The following EXT2 variants were observed in gnomAD, a reference collection of about 807,000 sequenced individuals.
EXT2 encodes the protein exostosin-2.
EXT2 carries 53 observed loss-of-function variants against 81.6 expected under a neutral mutation model. The ratio of observed to expected loss-of-function variants is 0.65; its 90% CI spans 0.52 to 0.82. The LOEUF is 0.82. EXT2 is among the 40% of genes least tolerant of loss of function. The pLI, the probability that EXT2 is intolerant of heterozygous loss-of-function variation, is 0.00. For synonymous variants in EXT2, 320 were observed against 340.0 expected (o/e 0.94, Z 0.65); for missense variants, 774 against 910.2 (o/e 0.85, Z 1.93).
chr11:44,120,906 G>T (rs1306782610), intron 4 of EXT2, among the ~76,000 whole-genome samples: 2 of 152,188 alleles, frequency 1.3e-5, no homozygotes, highest in Non-Finnish European at 2.9e-5. Flanking sequence ...TTAGATATCA[G>T]CACTGCTGGG....
chr11:44,215,930 G>A (rs190663809), intron 10 of EXT2, among the ~76,000 whole-genome samples: 5 of 146,586 alleles, frequency 3.4e-5, no homozygotes, highest in Admixed American at 2.1e-4. Flanking sequence ...ACTGCGGACT[G>A]CAGTGGCGCA....
At chr11:44,095,934 A>C in intron 1 of EXT2, 82 bp downstream of exon 1, 2 of 375,510 alleles carry the variant, frequency 5.3e-6, no homozygotes, top group Admixed American at 4.3e-5. Flanking sequence ...CTGGGTCGGG[A>C]CAAGGGCCGA....
Position 44,250,856 on chromosome 11 carries a change from A to G in EXT2, c.*6569A>G, listed in dbSNP as rs1404054655. 6.6e-6 allele frequency among the ~76,000 whole-genome samples: 1 copy of G among 152,212 alleles called. No homozygotes were observed. The highest frequency in any genetic ancestry group is 6.5e-5 in the Admixed American group (1 of 15,282). On this transcript the variant is annotated 3_prime_UTR_variant, in exon 14 of 14. Coordinates refer to ENST00000533608, the MANE Select transcript of EXT2 (RefSeq NM_207122.2). The stretch of plus-strand genomic sequence containing the variant: ...GATTTTCAGGTTTCAACTTTCTGCC[A>G]GCGTCACTGCCTGCTTAGAAGTAAA...
chr11:44,119,885 G>A (rs920568602), intron 4 of EXT2, among the ~76,000 whole-genome samples: 2 of 152,190 alleles, frequency 1.3e-5, no homozygotes, highest in Non-Finnish European at 2.9e-5. Flanking sequence ...TGGTCTGCTA[G>A]GACTGCTCAG....
At chr11:44,102,246 G>A (rs1482877734) in intron 1 of EXT2, among the ~76,000 whole-genome samples, 8 of 152,186 alleles carry the variant, frequency 5.3e-5, no homozygotes, top group Admixed American at 2.6e-4. Context: ...TATAGGGTTC[G>A]GGCTGATAAC....
At chr11:44,211,927 A>G (rs994609357) in intron 10 of EXT2, among the ~76,000 whole-genome samples, 11 of 152,334 alleles carry the variant, frequency 7.2e-5, no homozygotes, top group African/African-American at 2.2e-4. Flanking sequence ...AAGCTGAAAG[A>G]GAATAGGATT....
intron 13 of EXT2, among the ~76,000 whole-genome samples, chr11:44,242,696 A>C (rs141640333): frequency 1.4e-4 from 21 of 152,324 alleles, no homozygotes; most frequent in African/African-American, 4.8e-4. Flanking sequence ...ATATGTATGT[A>C]AATTATCTGT....
intron 1 of EXT2, among the ~76,000 whole-genome samples, chr11:44,105,109 C>T (rs1954036446): frequency 6.6e-6 from 1 of 152,112 alleles, no homozygotes; most frequent in Admixed American, 6.5e-5. Context: ...CTTGGCAATA[C>T]TCAGCTCGCT....
chr11:44,120,856 T>C (rs1445638726), intron 4 of EXT2, among the ~76,000 whole-genome samples: 1 of 152,214 alleles, frequency 6.6e-6, no homozygotes, highest in Non-Finnish European at 1.5e-5. Flanking sequence ...CTGTTACTAT[T>C]GAGGGAGACT....
In EXT2 at chr11:44,244,412, G is replaced by A; in HGVS notation, c.*125G>A. The A allele has an allele frequency of 2.0e-6, 2 of 1,004,274 alleles. No individual in the cohort carries two copies. Among genetic ancestry groups the A allele is most frequent in the Non-Finnish European group, 1.5e-6 (1 of 647,616 alleles). The allele number at this position is 1,004,274 out of a possible 1,614,324, so 62.2% of individuals were successfully genotyped here. On this transcript the variant is annotated 3_prime_UTR_variant, in exon 14 of 14. Transcript: ENST00000533608. ...GGTTGACCTACTTGGATCTTGGCATGCACCCACCTAACCCACTTTCTCAAG... is the reference window on the plus strand; with the variant it reads ...GGTTGACCTACTTGGATCTTGGCATACACCCACCTAACCCACTTTCTCAAG...
intron 7 of EXT2, among the ~76,000 whole-genome samples, chr11:44,163,940 A>G (rs902625226): frequency 1.3e-5 from 2 of 151,970 alleles, no homozygotes; most frequent in Non-Finnish European, 1.5e-5. Context: ...CTTGTTCTCC[A>G]CTTCCCCCTC....
intron 1 of EXT2, chr11:44,096,315 G>C (rs956830475): frequency 1.4e-5 from 21 of 1,535,856 alleles, no homozygotes; most frequent in Non-Finnish European, 1.7e-5. Flanking sequence ...AGAAGCCGTG[G>C]GACGAGGTAG....
chr11:44,175,635 G>T (rs1437733119), intron 8 of EXT2, among the ~76,000 whole-genome samples: 1 of 152,114 alleles, frequency 6.6e-6, no homozygotes, highest in Non-Finnish European at 1.5e-5. Flanking sequence ...CATGTTATCT[G>T]TGTTTCTTTT....
chr11:44,114,102 C>G, intron 3 of EXT2, 83 bp from the exon 4 acceptor site: 1 of 1,198,496 alleles, frequency 8.3e-7, no homozygotes, highest in South Asian at 1.2e-5. Context: ...AATAAAGACT[C>G]AGTAATTCCT....
At chr11:44,107,142 G>A in intron 1 of EXT2, among the ~76,000 whole-genome samples, 1 of 151,210 alleles carries the variant, frequency 6.6e-6, no homozygotes, top group East Asian at 1.9e-4. Context: ...TTTATATTAT[G>A]AATTAATATT....
At chr11:44,119,127 TA>T (rs1565201088) in intron 4 of EXT2, among the ~76,000 whole-genome samples, 3,823 of 28,668 alleles carry the variant, frequency 0.13, 275 homozygotes, top group East Asian at 0.4. Flanking sequence ...TGGCTATTTA[TA>T]TATATATATA....
chr11:44,151,409 C>T (rs566984082), intron 7 of EXT2, among the ~76,000 whole-genome samples: 1 of 152,186 alleles, frequency 6.6e-6, no homozygotes, highest in South Asian at 2.1e-4. Context: ...CTCTCGGAAA[C>T]CATTGATCTT....
chr11:44,199,051 T>A (rs995438071), intron 9 of EXT2, among the ~76,000 whole-genome samples: 3 of 152,224 alleles, frequency 2.0e-5, no homozygotes, highest in African/African-American at 7.2e-5. Context: ...AGCCACAGTT[T>A]GAGTAAATAA....
At chr11:44,235,178 A>AAAT (rs1172957560) in intron 12 of EXT2, among the ~76,000 whole-genome samples, 3 of 151,254 alleles carry the variant, frequency 2.0e-5, no homozygotes, top group Admixed American at 2.0e-4. Context: ...TAAATAACAT[A>AAAT]AATTGTGAGA....
Sources: gnomAD v4.1 joint callset for allele counts (sites outside exome capture counted in the v4.1 genomes callset) on GRCh38, gnomAD v4.1.1 for gene constraint, MANE v1.5 for transcripts, NCBI Gene and HGNC (gene_info 2026-07-23, HGNC 2026-07-21) for gene names.